The following TOX2 variants were observed in gnomAD, a reference collection of about 807,000 sequenced individuals.
TOX2 encodes granulosa cell HMG box 1.
A neutral mutation model predicts 47.4 loss-of-function variants in TOX2; 15 were observed. The observed-to-expected ratio is 0.32, with a 90% CI of 0.21 to 0.49. The LOEUF is 0.49. TOX2 is among the 20% of genes least tolerant of loss of function. The pLI, the probability that TOX2 is intolerant of heterozygous loss-of-function variation, is 0.99. For missense variants in TOX2, 622 were observed against 673.1 expected, an observed-to-expected ratio of 0.92 and a Z score of 0.84; for synonymous variants, 290 against 296.6, an observed-to-expected ratio of 0.98 and a Z score of 0.23.
chr20:44,066,578 G>T, intron 7 of TOX2, 152 bp from the exon 8 acceptor site: 1 of 1,157,344 alleles, frequency 8.6e-7, no homozygotes, highest in Non-Finnish European at 1.2e-6. Context: ...CATTTTGAAA[G>T]GTGCTCTACT....
At chr20:43,954,598 G>A (rs1013258489) in intron 1 of TOX2, among the ~76,000 whole-genome samples, 1 of 152,232 alleles carries the variant, frequency 6.6e-6, no homozygotes, top group Non-Finnish European at 1.5e-5. Flanking sequence ...AGGGTGGCTG[G>A]AGGCTCCTGG....
At chr20:43,928,981 G>GAAAAAAAAAAAAAAAAAAAA (rs575418660) in intron 1 of TOX2, among the ~76,000 whole-genome samples, 5 of 86,142 alleles carry the variant, frequency 5.8e-5, no homozygotes, top group South Asian at 3.9e-4. Context: ...CTAAAAATAT[G>GAAAAAAAAAAAAAAAAAAAA]AAAAAAAAAA....
chr20:43,931,105 C>T (rs2069246981), intron 1 of TOX2, among the ~76,000 whole-genome samples: 1 of 152,184 alleles, frequency 6.6e-6, no homozygotes, highest in Non-Finnish European at 1.5e-5. Flanking sequence ...TAGTGTTTCC[C>T]ACCCACCAGG....
At chr20:43,935,697 G>A (rs993419665) in intron 1 of TOX2, among the ~76,000 whole-genome samples, 1 of 151,924 alleles carries the variant, frequency 6.6e-6, no homozygotes, top group South Asian at 2.1e-4. Flanking sequence ...AGGCCGAGGT[G>A]GGTGGATCAC....
At chr20:44,051,699 C>T (rs2071515287) in intron 4 of TOX2, among the ~76,000 whole-genome samples, 154 bp downstream of exon 4, 1 of 152,186 alleles carries the variant, frequency 6.6e-6, no homozygotes, top group South Asian at 2.1e-4. Context: ...AGCAGGCGTT[C>T]CTGGTGGCGG....
chr20:44,028,027 G>A (rs956027241), intron 3 of TOX2, among the ~76,000 whole-genome samples: 8 of 152,186 alleles, frequency 5.3e-5, no homozygotes, highest in African/African-American at 1.7e-4. Context: ...ACCAGCCACG[G>A]TTCCCTCTTT....
intron 1 of TOX2, among the ~76,000 whole-genome samples, chr20:43,929,701 A>T (rs547304389): frequency 6.6e-6 from 1 of 151,732 alleles, no homozygotes; most frequent in Non-Finnish European, 1.5e-5. Context: ...TTATTTTTTA[A>T]TTTTTTATTT....
chr20:44,028,862 C>T (rs2071105530), intron 3 of TOX2, among the ~76,000 whole-genome samples: 1 of 152,214 alleles, frequency 6.6e-6, no homozygotes, highest in African/African-American at 2.4e-5. Flanking sequence ...CCAAGGGCAG[C>T]CAGTTCTGCC....
intron 3 of TOX2, among the ~76,000 whole-genome samples, chr20:44,037,951 G>A (rs763106934): frequency 6.6e-6 from 1 of 152,194 alleles, no homozygotes; most frequent in African/African-American, 2.4e-5. Context: ...AAGTTTGGAA[G>A]TTCCTAGAGA....
intron 1 of TOX2, among the ~76,000 whole-genome samples, chr20:43,958,254 C>T (rs1383992648): frequency 6.6e-6 from 1 of 152,194 alleles, no homozygotes; most frequent in Non-Finnish European, 1.5e-5. Flanking sequence ...ATGTTTCACT[C>T]TCTGGCCAGA....
At chr20:43,941,362 C>T (rs543986558) in intron 1 of TOX2, among the ~76,000 whole-genome samples, 2 of 138,702 alleles carry the variant, frequency 1.4e-5, no homozygotes, top group Non-Finnish European at 3.1e-5. Context: ...GACAGAATTT[C>T]GCTCTTGTTG....
rs116839526 is a variant in TOX2 at position 43,983,699 on chromosome 20, A to G, written c.165+10267A>G. On this transcript the variant is annotated intron_variant, in intron 2 of 8. Coordinates refer to ENST00000341197, the MANE Select transcript of TOX2 (RefSeq NM_001098797.2). The stretch of plus-strand genomic sequence containing the variant: ...TAGATGGTCTGTTTTTTCCAGCACT[A>G]AATGATGATACCGATGATCAATAAC... Among the ~76,000 whole-genome samples, 683 of 152,228 alleles carry G rather than the reference A, an allele frequency of 4.5e-3. 5 individuals carry two copies. Among genetic ancestry groups the G allele is most frequent in the African/African-American group, 0.016 (650 of 41,524 alleles).
intron 3 of TOX2, among the ~76,000 whole-genome samples, chr20:44,015,142 A>ACTGGGTCT (rs2070857264): frequency 6.6e-6 from 1 of 152,078 alleles, no homozygotes; most frequent in African/African-American, 2.4e-5. Context: ...TGATCTCCCA[A>ACTGGGTCT]ATGGGTCTCT....
chr20:43,928,282 T>C (rs1351450847), intron 1 of TOX2, among the ~76,000 whole-genome samples: 1 of 152,226 alleles, frequency 6.6e-6, no homozygotes, highest in African/African-American at 2.4e-5. Context: ...TTAAATGAGG[T>C]AATGATGTAT....
chr20:43,947,305 G>A (rs1215921520), intron 1 of TOX2, among the ~76,000 whole-genome samples: 1 of 152,238 alleles, frequency 6.6e-6, no homozygotes, highest in Non-Finnish European at 1.5e-5. Context: ...TGTCATGATG[G>A]TGTGTGTGTA....
Position 43,942,049 on chromosome 20 carries a change from G to A in TOX2, c.99+27059G>A, listed in dbSNP as rs541831494. Among the ~76,000 whole-genome samples the A allele has an allele frequency of 4.6e-5, 7 of 152,302 alleles. No homozygotes were observed. In the East Asian group the frequency reaches 5.8e-4, roughly 13 times the overall value. ...GATGGAAGTTGACTCCTTGCTGTGA[G>A]CCTCAACTTCCTCATCTGTAAAAGG... On this transcript the variant is annotated intron_variant, in intron 1 of 8. Transcript: ENST00000341197.
intron 1 of TOX2, among the ~76,000 whole-genome samples, chr20:43,934,588 G>T (rs2069299972): frequency 1.3e-5 from 2 of 152,078 alleles, no homozygotes; most frequent in South Asian, 4.1e-4. Context: ...GACTGGATGG[G>T]CAGAGGCTCG....
intron 3 of TOX2, among the ~76,000 whole-genome samples, chr20:44,026,228 G>GATTGATATATATATATATAT (rs2071059872): frequency 1.7e-5 from 1 of 60,258 alleles, no homozygotes; most frequent in African/African-American, 9.6e-5. Flanking sequence ...AAGAAACTGT[G>GATTGATATATATATATATAT]ATATATATAT....
At chr20:43,966,753 C>CA (rs11483515) in intron 1 of TOX2, among the ~76,000 whole-genome samples, 18,589 of 90,894 alleles carry the variant, frequency 0.2, 1,486 homozygotes, top group Middle Eastern at 0.3. Context: ...AACTCTGTCT[C>CA]AAAAAAAAAA....
Sources: allele counts gnomAD v4.1 joint callset (sites outside exome capture counted in the v4.1 genomes callset), GRCh38; gene constraint gnomAD v4.1.1; transcripts MANE v1.5; gene names NCBI Gene and HGNC (gene_info 2026-07-23, HGNC 2026-07-21).